The following PRSS54 variants were observed in gnomAD, a reference collection of about 807,000 sequenced individuals.
PRSS54 encodes the protein serine protease 54, also known as inactive serine protease 54.
A neutral mutation model predicts 19.9 loss-of-function variants in PRSS54; 16 were observed. The observed-to-expected ratio is 0.80, with a 90% CI of 0.54 to 1.22. PRSS54 has a LOEUF of 1.22. PRSS54 is among the 50% of genes most tolerant of loss of function. The probability of loss-of-function intolerance (pLI) is 0.00; values close to 1 mark genes in which losing one functional copy is unlikely to be tolerated. For synonymous variants in PRSS54, 177 were observed against 195.8 expected (o/e 0.90, Z 0.80); for missense variants, 444 against 494.8 (o/e 0.90, Z 0.97).
chr16:58,280,131 C>T lies in PRSS54; in HGVS notation c.*93G>A. On this transcript the variant is annotated 3_prime_UTR_variant, in exon 7 of 7. Coordinates refer to ENST00000567164, the MANE Select transcript of PRSS54 (RefSeq NM_001305173.2). ...GCTTATCCGTGGCAGCCCCAGTGTG[C>T]AACTATCAAAAACAGACATCAAAAC... The T allele has an allele frequency of 1.5e-6, 2 of 1,316,960 alleles. No homozygotes were observed. The highest frequency in any genetic ancestry group is 2.1e-6 in the Non-Finnish European group (2 of 948,978). The allele number at this position is 1,316,960 out of a possible 1,614,324, so 81.6% of individuals were successfully genotyped here. A position where few individuals can be genotyped will look rare whatever the true frequency, so the allele number is the denominator to read the frequency against.
chr16:58,284,028 G>A (rs1303334425), intron 6 of PRSS54, among the ~76,000 whole-genome samples: 1 of 152,134 alleles, frequency 6.6e-6, no homozygotes, highest in Non-Finnish European at 1.5e-5. Context: ...CTAGGTCCTT[G>A]TCTTTGCTGT....
chr16:58,289,768 T>C (rs1333128657), intron 4 of PRSS54, among the ~76,000 whole-genome samples: 1 of 151,962 alleles, frequency 6.6e-6, no homozygotes, highest in East Asian at 1.9e-4. Context: ...AGACAGGTTT[T>C]TGCCATGTTG....
rs762664043 is a variant in PRSS54, at chr16:58,280,335, G to A, written c.1077C>T (p.Tyr359=). The A allele has an allele frequency of 1.7e-5, 28 of 1,614,108 alleles. No individual in the cohort carries two copies. The highest frequency in any genetic ancestry group is 2.4e-5 in the Non-Finnish European group (28 of 1,180,006). Residue 359 remains tyrosine, a synonymous_variant, in exon 7 of 7, where the codon TAC becomes TAT. Transcript: ENST00000567164. ...ASVQPLYYDY[Y]GGEVGEGRIF... is the part of the protein sequence containing the mutation. ...TCCTACCTTCCCCCACCTCCCCACCGTAATAGTCATAGTATAAGGGTTGTA... is the reference window on the plus strand; with the variant it reads ...TCCTACCTTCCCCCACCTCCCCACCATAATAGTCATAGTATAAGGGTTGTA...
chr16:58,285,637 G>A (rs1964900193), intron 5 of PRSS54, among the ~76,000 whole-genome samples: 1 of 151,306 alleles, frequency 6.6e-6, no homozygotes, highest in Non-Finnish European at 1.5e-5. Flanking sequence ...AGGTACTCGG[G>A]GCTGAGGCAG....
intron 4 of PRSS54, among the ~76,000 whole-genome samples, chr16:58,287,876 C>A (rs988704794): frequency 6.6e-6 from 1 of 152,156 alleles, no homozygotes; most frequent in African/African-American, 2.4e-5. Flanking sequence ...AGTTATTGCA[C>A]CTGGCTGGTA....
intron 3 of PRSS54, 64 bp from the exon 4 acceptor site, chr16:58,291,200 G>A (rs987870157): frequency 1.9e-5 from 28 of 1,494,782 alleles, no homozygotes; most frequent in Non-Finnish European, 2.4e-5. Context: ...CTCTCCTGTG[G>A]GCTGTCTGTC....
intron 4 of PRSS54, among the ~76,000 whole-genome samples, chr16:58,287,708 T>A (rs1964948454): frequency 6.6e-6 from 1 of 152,110 alleles, no homozygotes; most frequent in Admixed American, 6.5e-5. Flanking sequence ...GTAGAGTGGA[T>A]CTGAAGGGGC....
rs188557367 is a variant in PRSS54, at chr16:58,280,754, C to T, written c.658G>A (p.Asp220Asn). 11 of 1,598,678 alleles carry T rather than the reference C, an allele frequency of 6.9e-6. No individual in the cohort carries two copies. In the Admixed American group the frequency reaches 1.4e-4, roughly 20 times the overall value. Residue 220 changes from aspartate to asparagine, a missense_variant, in exon 7 of 7, where the codon GAC becomes AAC. By Grantham distance (23) the Asp-to-Asn change is conservative (BLOSUM62 1). Coordinates refer to ENST00000567164, the MANE Select transcript of PRSS54 (RefSeq NM_001305173.2). ...TGGCACATCATTGGGCTTCCTGGGT[C>T]CCCCTGTGATAAAAGACAGAAGGCT... is the stretch of plus-strand genomic sequence containing the variant. ...KEETKTACLG[D>N]PGSPMMCQLQ...
At chr16:58,283,860 C>T (rs1010859912) in intron 6 of PRSS54, 1 of 152,084 alleles carries the variant, frequency 6.6e-6, no homozygotes, top group African/African-American at 2.4e-5. Context: ...TGTATTTTTT[C>T]CCCTTGCTCT....
intron 3 of PRSS54, among the ~76,000 whole-genome samples, chr16:58,291,740 C>T (rs1965045267): frequency 6.6e-6 from 1 of 152,162 alleles, no homozygotes; most frequent in Non-Finnish European, 1.5e-5. Context: ...TCCTCAGCCT[C>T]CCAAAGTGTT....
In PRSS54 at chr16:58,280,440, T is replaced by C; in HGVS notation, c.972A>G (p.Arg324=). ...GACTATCTCTAGAGCTGTTTCCTAG[T>C]CGTGAATGCGTGATGGTCCTTCTTT... ...QGQRRTITHS[R]LGNSSRDSLD... is the part of the protein sequence containing the mutation. Residue 324 remains arginine (R), a synonymous_variant, in exon 7 of 7, where the codon CGA becomes CGG. Transcript: ENST00000567164. 1.9e-6 allele frequency: 3 copies of C among 1,614,212 alleles called. No homozygotes were observed. The highest frequency in any genetic ancestry group is 2.5e-6 in the Non-Finnish European group (3 of 1,180,032).
At chr16:58,291,960 T>C (rs55771226) in intron 3 of PRSS54, among the ~76,000 whole-genome samples, 15,733 of 152,090 alleles carry the variant, frequency 0.1, 897 homozygotes, top group Admixed American at 0.13. Flanking sequence ...GATGGAGTCC[T>C]ACTCTGTCGC....
chr16:58,280,834 G>A (rs1404393570), intron 6 of PRSS54, 77 bp from the exon 7 acceptor site: 20 of 1,352,478 alleles, frequency 1.5e-5, no homozygotes, highest in Non-Finnish European at 2.0e-5. Context: ...GCAATATACT[G>A]TTTGTTCTAG....
chr16:58,294,747 G>A (rs562967427), intron 1 of PRSS54, 140 bp downstream of exon 1: 1 of 152,260 alleles, frequency 6.6e-6, no homozygotes, highest in East Asian at 1.9e-4. Flanking sequence ...AACCGCGGTA[G>A]GAAGTAGACA....
rs1302604306 is a variant in PRSS54, at chr16:58,288,100, A to G, written c.264-1905T>C. ...GTATAATTCAATAATGTTAGAAAACAAAACAAAAAACCCTAGCACCTGGAC... is the reference window on the plus strand; with the variant it reads ...GTATAATTCAATAATGTTAGAAAACGAAACAAAAAACCCTAGCACCTGGAC... On this transcript the variant is annotated intron_variant, in intron 4 of 6. Transcript: ENST00000567164. Among the ~76,000 whole-genome samples, 7 of 152,318 alleles carry G rather than the reference A, an allele frequency of 4.6e-5. No homozygotes were observed. The South Asian group carries it at 1.4e-3, about 32-fold the overall frequency.
rs983737214 is a variant in PRSS54, at chr16:58,293,720, C to T, written c.85+12G>A. 27 of 1,609,362 alleles carry T rather than the reference C, an allele frequency of 1.7e-5. No homozygotes were observed. Among genetic ancestry groups the T allele is most frequent in the Middle Eastern group, 1.6e-4 (1 of 6,076 alleles). ...GCAGCTAAAGTCAGAGGGAGGAAAG[C>T]AGCACACTCACTGGTGGAAGAATAG... On this transcript the variant is annotated intron_variant, in intron 3 of 6. Transcript: ENST00000567164.
rs752451312 is a variant in PRSS54, at chr16:58,293,784, G to A, written c.33C>T (p.Gly11=). Residue 11 remains glycine (G), a synonymous_variant, in exon 3 of 7, where the codon GGC becomes GGT. Coordinates refer to ENST00000567164, the MANE Select transcript of PRSS54 (RefSeq NM_001305173.2). ...GCACCAGGAGCACCCCTCGCATCTTGCCATCCCCAGAGAGACCCGCCGCGG... is the reference window on the plus strand; with the variant it reads ...GCACCAGGAGCACCCCTCGCATCTTACCATCCCCAGAGAGACCCGCCGCGG... MVSAAGLSGD[G]KMRGVLLVLL... 3.7e-6 allele frequency: 6 copies of A among 1,613,028 alleles called. No homozygotes were observed. The highest frequency in any genetic ancestry group is 2.7e-5 in the African/African-American group (2 of 74,888).
intron 1 of PRSS54, among the ~76,000 whole-genome samples, 178 bp from the exon 2 acceptor site, chr16:58,294,387 C>A (rs1434403920): frequency 6.6e-6 from 1 of 151,908 alleles, no homozygotes; most frequent in Non-Finnish European, 1.5e-5. Context: ...AGTCTCGCTC[C>A]CTTGGCAGGC....
chr16:58,284,407 C>T (rs1329942098), intron 6 of PRSS54, 183 bp downstream of exon 6: 2 of 590,936 alleles, frequency 3.4e-6, no homozygotes. Context: ...CTGGTTAGTT[C>T]ATTCAGCAGA....
Sources: allele counts gnomAD v4.1 joint callset (sites outside exome capture counted in the v4.1 genomes callset), GRCh38; gene constraint gnomAD v4.1.1; transcripts MANE v1.5; gene names NCBI Gene and HGNC (gene_info 2026-07-23, HGNC 2026-07-21).